ATRNL1: variants seen among roughly 807,000 people sequenced by gnomAD.
ATRNL1 encodes the protein attractin like 1, also known as attractin-like protein 1.
A neutral mutation model predicts 182.7 loss-of-function variants in ATRNL1; 95 were observed. The observed-to-expected ratio is 0.52, with a 90% CI of 0.44 to 0.62. ATRNL1 has a LOEUF of 0.62. ATRNL1 is among the 20% of genes least tolerant of loss of function. The pLI, the probability that ATRNL1 is intolerant of heterozygous loss-of-function variation, is 0.00. For synonymous variants in ATRNL1, 576 were observed against 568.3 expected, an observed-to-expected ratio of 1.01 and a Z score of -0.19; for missense variants, 1,471 against 1,679.5, an observed-to-expected ratio of 0.88 and a Z score of 2.17.
At chr10:115,413,095 C>T (rs1845221474) in intron 20 of ATRNL1, among the ~76,000 whole-genome samples, 1 of 152,054 alleles carries the variant, frequency 6.6e-6, no homozygotes, top group Admixed American at 6.6e-5. Context: ...TTATTTTTGG[C>T]ATGTGAGGAA....
At chr10:115,645,564 G>A (rs2133867354) in intron 26 of ATRNL1, among the ~76,000 whole-genome samples, 1 of 150,504 alleles carries the variant, frequency 6.6e-6, no homozygotes. Flanking sequence ...GCATATAAAA[G>A]CACTACAGAA....
intron 8 of ATRNL1, among the ~76,000 whole-genome samples, chr10:115,180,070 T>C (rs1384206946): frequency 6.6e-6 from 1 of 152,040 alleles, no homozygotes; most frequent in African/African-American, 2.4e-5. Context: ...AATCATTGTC[T>C]TACTAGCAAA....
At chr10:115,700,396 T>C (rs782514225) in intron 26 of ATRNL1, among the ~76,000 whole-genome samples, 6 of 152,172 alleles carry the variant, frequency 3.9e-5, no homozygotes, top group Non-Finnish European at 7.4e-5. Flanking sequence ...TGGTGTGAGA[T>C]GGTATCTCAT....
At chr10:115,484,853 A>T (rs1235223246) in intron 24 of ATRNL1, among the ~76,000 whole-genome samples, 1 of 151,764 alleles carries the variant, frequency 6.6e-6, no homozygotes. Flanking sequence ...TATGTGGGGG[A>T]GACTAAGAAG....
At chr10:115,450,798 A>C (rs1038575057) in intron 21 of ATRNL1, among the ~76,000 whole-genome samples, 1 of 152,192 alleles carries the variant, frequency 6.6e-6, no homozygotes, top group African/African-American at 2.4e-5. Context: ...ATGGAACCCA[A>C]ATAGAGCCTG....
rs114432591 is a variant in ATRNL1 at position 115,372,206 on chromosome 10, A to G, written c.3176-22453A>G. Among the ~76,000 whole-genome samples the G allele has an allele frequency of 8.3e-3, 1,271 of 152,278 alleles. 12 individuals carry two copies. Among genetic ancestry groups the G allele is most frequent in the African/African-American group, 0.028 (1,160 of 41,552 alleles). The stretch of plus-strand genomic sequence containing the variant: ...ATGTTCTTTGTCCATTTTAAAAATC[A>G]GGTTACTTGTTTTCTTGCTATTGAG... On this transcript the variant is annotated intron_variant, in intron 19 of 28. Transcript: ENST00000355044.
chr10:115,147,393 A>G (rs1187302977), intron 5 of ATRNL1, among the ~76,000 whole-genome samples: 20 of 152,084 alleles, frequency 1.3e-4, no homozygotes, highest in Admixed American at 1.2e-3. Flanking sequence ...ATAGTTTTCA[A>G]ATATTTTCTC....
Position 115,121,740 on chromosome 10 carries a change from C to A in ATRNL1, c.419C>A (p.Thr140Lys). Residue 140 changes from threonine (T) to lysine (K), a missense_variant, in exon 3 of 29, where the codon ACA (threonine) becomes AAA (lysine). Coordinates refer to ENST00000355044, the MANE Select transcript of ATRNL1 (RefSeq NM_207303.4). ...AGATTAAGATTCAATCATTTTGCTA[C>A]AGAATGTAGCTGGGATCATATGTAT... ...VLRLRFNHFA[T>K]ECSWDHMYVY... The A allele has an allele frequency of 6.4e-7, 1 of 1,571,036 alleles. No homozygotes were observed. Among genetic ancestry groups the A allele is most frequent in the South Asian group, 1.2e-5 (1 of 83,734 alleles).
At chr10:115,592,518 C>T (rs1475442464) in intron 26 of ATRNL1, among the ~76,000 whole-genome samples, 3 of 152,222 alleles carry the variant, frequency 2.0e-5, no homozygotes, top group South Asian at 2.1e-4. Flanking sequence ...AGCAGACCCA[C>T]GCAGCTCTAC....
chr10:115,484,495 T>G (rs1848924172), intron 24 of ATRNL1, among the ~76,000 whole-genome samples: 1 of 151,664 alleles, frequency 6.6e-6, no homozygotes, highest in Non-Finnish European at 1.5e-5. Flanking sequence ...ACTTTTATTA[T>G]ATACAGTATA....
At chr10:115,239,610 G>T (rs1022206320) in intron 9 of ATRNL1, among the ~76,000 whole-genome samples, 1 of 152,044 alleles carries the variant, frequency 6.6e-6, no homozygotes, top group Admixed American at 6.6e-5. Flanking sequence ...CAGGTGGGTG[G>T]GCTTAGTGGC....
chr10:115,104,047 A>C (rs568604809), intron 1 of ATRNL1, among the ~76,000 whole-genome samples: 1 of 152,174 alleles, frequency 6.6e-6, no homozygotes, highest in Non-Finnish European at 1.5e-5. Flanking sequence ...CCTTTCTTTT[A>C]GGTAAATACC....
At chr10:115,241,497 C>T in intron 9 of ATRNL1, 74 bp from the exon 10 acceptor site, 16 of 1,013,884 alleles carry the variant, frequency 1.6e-5, no homozygotes, top group Non-Finnish European at 2.3e-5. Flanking sequence ...CAAAGTAGAC[C>T]CTTTATATAA....
chr10:115,285,718 T>C (rs1237330216), intron 14 of ATRNL1, among the ~76,000 whole-genome samples: 4 of 152,066 alleles, frequency 2.6e-5, no homozygotes, highest in Admixed American at 6.6e-5. Flanking sequence ...TCTCTACCCA[T>C]GCTTATGAAA....
chr10:115,353,880 T>G (rs1473671809), intron 19 of ATRNL1, among the ~76,000 whole-genome samples: 1 of 152,196 alleles, frequency 6.6e-6, no homozygotes, highest in Admixed American at 6.5e-5. Context: ...TAACTTTTCC[T>G]CTAACTCCCT....
intron 5 of ATRNL1, among the ~76,000 whole-genome samples, chr10:115,138,636 C>G (rs1845623837): frequency 6.6e-6 from 1 of 152,184 alleles, no homozygotes; most frequent in Non-Finnish European, 1.5e-5. Flanking sequence ...GGTACCAAGT[C>G]CCTAGGCTGT....
chr10:115,616,444 G>T (rs965619939), intron 26 of ATRNL1, among the ~76,000 whole-genome samples: 1 of 152,150 alleles, frequency 6.6e-6, no homozygotes, highest in African/African-American at 2.4e-5. Flanking sequence ...TTTTTGGGCA[G>T]GTAGGGGGAT....
intron 28 of ATRNL1, among the ~76,000 whole-genome samples, chr10:115,929,370 A>C (rs1165928351): frequency 6.6e-6 from 1 of 152,118 alleles, no homozygotes; most frequent in Non-Finnish European, 1.5e-5. Flanking sequence ...ATTTCAGCTG[A>C]AAAAGAGAAA....
chr10:115,118,437 G>A (rs1354847763), intron 1 of ATRNL1, among the ~76,000 whole-genome samples: 1 of 152,104 alleles, frequency 6.6e-6, no homozygotes, highest in Non-Finnish European at 1.5e-5. Flanking sequence ...TGTATCTTCT[G>A]TTAGGAGACT....
Sources: allele counts gnomAD v4.1 joint callset (sites outside exome capture counted in the v4.1 genomes callset), GRCh38; gene constraint gnomAD v4.1.1; transcripts MANE v1.5; gene names NCBI Gene and HGNC (gene_info 2026-07-23, HGNC 2026-07-21).